SMC6: variants seen among roughly 807,000 people sequenced by gnomAD.
The protein encoded by SMC6 is structural maintenance of chromosomes 6, also known as structural maintenance of chromosomes protein 6.
Under a neutral mutation model 142.2 loss-of-function variants are expected in SMC6, and 79 were observed. The ratio of observed to expected loss-of-function variants is 0.56; its 90% CI spans 0.46 to 0.67. The LOEUF (loss-of-function observed/expected upper bound fraction) is 0.67. SMC6 is among the 30% of genes least tolerant of loss of function. The pLI is 0.00. For synonymous variants in SMC6, 411 were observed against 412.4 expected (o/e 1.00, Z 0.04); for missense variants, 1,072 against 1,284.0 (o/e 0.83, Z 2.52).
chr2:17,714,682 G>T (rs1668993461), intron 16 of SMC6, among the ~76,000 whole-genome samples, 179 bp downstream of exon 16: 1 of 152,130 alleles, frequency 6.6e-6, no homozygotes, highest in Non-Finnish European at 1.5e-5. Context: ...ATGGTAGGGA[G>T]TATTTATCTA....
At chr2:17,740,804 C>A (rs75179928) in intron 4 of SMC6, 6 of 387,590 alleles carry the variant, frequency 1.5e-5, no homozygotes, top group Middle Eastern at 8.4e-4. Flanking sequence ...GAGCCGAGAT[C>A]GCACCACTGC....
At chr2:17,690,314 CCAG>C (rs1335812775) in intron 23 of SMC6, among the ~76,000 whole-genome samples, 4 of 152,158 alleles carry the variant, frequency 2.6e-5, no homozygotes, top group Admixed American at 2.6e-4. Flanking sequence ...CTGCCTGTGG[CCAG>C]GTGTGGTGGC....
At chr2:17,691,743 G>C (rs879122774) in intron 23 of SMC6, among the ~76,000 whole-genome samples, 1 of 151,984 alleles carries the variant, frequency 6.6e-6, no homozygotes, top group Non-Finnish European at 1.5e-5. Context: ...GGAAATAAAG[G>C]GTATTCAATT....
At chr2:17,727,696 T>G (rs1669698472) in intron 7 of SMC6, among the ~76,000 whole-genome samples, 1 of 152,114 alleles carries the variant, frequency 6.6e-6, no homozygotes, top group Non-Finnish European at 1.5e-5. Flanking sequence ...ACAAATCAGT[T>G]TACATGTTAA....
intron 23 of SMC6, among the ~76,000 whole-genome samples, chr2:17,686,190 A>G (rs114500190): frequency 3.2e-3 from 484 of 152,240 alleles, no homozygotes; most frequent in African/African-American, 0.011. Context: ...AAAATTTGAA[A>G]TTTGGCCAGG....
At chr2:17,724,438 T>C (rs1669520281) in intron 9 of SMC6, among the ~76,000 whole-genome samples, 1 of 152,194 alleles carries the variant, frequency 6.6e-6, no homozygotes, top group South Asian at 2.1e-4. Flanking sequence ...ATTAGTATAA[T>C]CCTGCCTCAA....
chr2:17,728,953 T>C (rs1487052355), intron 7 of SMC6, among the ~76,000 whole-genome samples: 1 of 152,012 alleles, frequency 6.6e-6, no homozygotes, highest in Non-Finnish European at 1.5e-5. Flanking sequence ...TTTCACCATG[T>C]TGGCCAGCCT....
chr2:17,752,716 TACCCACAC>T (rs1305285908), intron 2 of SMC6, among the ~76,000 whole-genome samples: 4 of 152,244 alleles, frequency 2.6e-5, no homozygotes, highest in African/African-American at 9.6e-5. Context: ...GTTCCCTCTC[TACCCACAC>T]ACCCATGGAA....
chr2:17,749,065 T>C (rs1670892469), intron 2 of SMC6, among the ~76,000 whole-genome samples: 1 of 152,198 alleles, frequency 6.6e-6, no homozygotes, highest in Admixed American at 6.5e-5. Context: ...AAAATAGGAA[T>C]CACTTTGTAA....
rs1405741100 is a variant in SMC6 at position 17,716,970 on chromosome 2, C to T, written c.1182-65G>A. ...TGAACAGCCTAACATTTAAAGAACACAAACCGATGTAATAAAATTCCATTA... is the reference window on the plus strand; with the variant it reads ...TGAACAGCCTAACATTTAAAGAACATAAACCGATGTAATAAAATTCCATTA... On this transcript the variant is annotated intron_variant, in intron 13 of 27. Coordinates refer to ENST00000448223, the MANE Select transcript of SMC6 (RefSeq NM_001142286.2). The T allele has an allele frequency of 3.9e-6, 6 of 1,535,726 alleles. No individual in the cohort carries two copies. In the African/African-American group the frequency reaches 4.2e-5, roughly 11 times the overall value.
At chr2:17,746,613 T>C (rs2125087051) in intron 2 of SMC6, among the ~76,000 whole-genome samples, 1 of 152,316 alleles carries the variant, frequency 6.6e-6, no homozygotes, top group Admixed American at 6.5e-5. Flanking sequence ...TCCAGGTTGA[T>C]TGTCTATTTT....
At chr2:17,693,194 T>C (rs545028806) in intron 23 of SMC6, among the ~76,000 whole-genome samples, 1 of 152,316 alleles carries the variant, frequency 6.6e-6, no homozygotes, top group African/African-American at 2.4e-5. Context: ...AGCCATCCCA[T>C]TACTGGGTGT....
At position 17,664,276 on chromosome 2, in the gene SMC6, G is replaced by A. The variant is rs1666398142; in HGVS notation, c.*1223C>T. 1 of 152,138 alleles carries A rather than the reference G, an allele frequency of 6.6e-6. No homozygotes were observed. Among genetic ancestry groups the A allele is most frequent in the Admixed American group, 6.6e-5 (1 of 15,260 alleles). 9.4% of individuals were successfully genotyped at this position (152,138 alleles called of 1,614,324 possible). A position where few individuals can be genotyped will look rare whatever the true frequency, so the allele number is the denominator to read the frequency against. ...TCCTCCTGGAAATTCTGATTAGAAA[G>A]CCCAAGTTTTTGAACTTCTCATTTG... On this transcript the variant is annotated 3_prime_UTR_variant, in exon 28 of 28. Coordinates refer to ENST00000448223, the MANE Select transcript of SMC6 (RefSeq NM_001142286.2).
rs116426408 is a variant in SMC6 at position 17,666,200 on chromosome 2, T to C, written c.3161+220A>G. 7.1e-3 allele frequency among the ~76,000 whole-genome samples: 1,078 copies of C among 152,330 alleles called. 11 individuals are homozygous for C. The highest frequency in any genetic ancestry group is 0.029 in the South Asian group (139 of 4,828). The stretch of plus-strand genomic sequence containing the variant: ...ACAAAGAAGCAGACTCAAAACAGAA[T>C]AGTAACAACTTGCTTCAGTTATGAA... On this transcript the variant is annotated intron_variant, in intron 27 of 27. Coordinates refer to ENST00000448223, the MANE Select transcript of SMC6 (RefSeq NM_001142286.2).
At chr2:17,672,789 A>G (rs1037062246) in intron 25 of SMC6, among the ~76,000 whole-genome samples, 3 of 152,194 alleles carry the variant, frequency 2.0e-5, no homozygotes, top group Admixed American at 2.0e-4. Context: ...TATTTTCATT[A>G]CGGAACAGTA....
At chr2:17,693,410 C>G (rs1295853022) in intron 23 of SMC6, among the ~76,000 whole-genome samples, 1 of 152,088 alleles carries the variant, frequency 6.6e-6, no homozygotes, top group Non-Finnish European at 1.5e-5. Context: ...ATGGATGAAG[C>G]TGGAAACCAT....
intron 25 of SMC6, among the ~76,000 whole-genome samples, chr2:17,675,604 T>C (rs76318709): frequency 0.052 from 7,869 of 152,166 alleles, 231 homozygotes; most frequent in Middle Eastern, 0.11. Context: ...TTTTGAAAGG[T>C]AGTTTTGCTA....
Position 17,731,155 on chromosome 2 carries a change from A to T in SMC6, c.482-16T>A. ...ACCACGGAGCCTAGTTATAAGAAAC[A>T]TATGAAATAACCAAACTGTTTCTAG... On this transcript the variant is annotated splice_polypyrimidine_tract_variant and intron_variant, in intron 6 of 27. Coordinates refer to ENST00000448223, the MANE Select transcript of SMC6 (RefSeq NM_001142286.2). 6.3e-7 allele frequency: 1 copy of T among 1,590,920 alleles called. No homozygotes were observed.
chr2:17,751,677 T>G (rs1671047589), intron 2 of SMC6, among the ~76,000 whole-genome samples: 1 of 152,178 alleles, frequency 6.6e-6, no homozygotes, highest in Non-Finnish European at 1.5e-5. Context: ...GTTAACTTGT[T>G]TAAATAGTGA....
Sources: allele counts gnomAD v4.1 joint callset (sites outside exome capture counted in the v4.1 genomes callset), GRCh38; gene constraint gnomAD v4.1.1; transcripts MANE v1.5; gene names NCBI Gene and HGNC (gene_info 2026-07-23, HGNC 2026-07-21).